The following SCAF8 variants were observed in gnomAD, a reference collection of about 807,000 sequenced individuals.
SCAF8 encodes SR-related CTD associated factor 8, also known as SR-related and CTD-associated factor 8.
Under a neutral mutation model 140.5 loss-of-function variants are expected in SCAF8, and 23 were observed. That is an observed-to-expected ratio of 0.16 (90% confidence interval 0.12 to 0.23). The LOEUF (loss-of-function observed/expected upper bound fraction) is 0.23. Ranked by LOEUF, SCAF8 falls within the 10% of genes least tolerant of loss-of-function variation. The probability of loss-of-function intolerance (pLI) is 1.00; values close to 1 mark genes in which losing one functional copy is unlikely to be tolerated. For missense variants in SCAF8, 1,397 were observed against 1,555.7 expected, an observed-to-expected ratio of 0.90 and a Z score of 1.72; for synonymous variants, 575 against 528.9, an observed-to-expected ratio of 1.09 and a Z score of -1.20.
Position 154,820,233 on chromosome 6 carries a change from G to C in SCAF8, c.1692G>C (p.Val564=), listed in dbSNP as rs144403254. 80 of 1,609,084 alleles carry C rather than the reference G, an allele frequency of 5.0e-5. No individual in the cohort carries two copies. The highest frequency in any genetic ancestry group is 1.9e-4 in the Admixed American group (11 of 58,448). The change falls in exon 15 of 20, where the codon GTG becomes GTC. Residue 564 remains valine, a synonymous_variant. Transcript: ENST00000367178. ...CAGAATACAAACAATTCTGGGATGT[G>C]GATCTTGGAGTTACATATATACCAT... ...VKTEYKQFWD[V]DLGVTYIPWE...
intron 2 of SCAF8, among the ~76,000 whole-genome samples, chr6:154,776,396 A>G (rs72993427): frequency 0.017 from 2,546 of 152,182 alleles, 27 homozygotes; most frequent in Non-Finnish European, 0.023. Context: ...TTTTATATAG[A>G]AATGATTAGT....
At chr6:154,741,985 C>G (rs1240029524) in intron 1 of SCAF8, 1 of 1,534,010 alleles carries the variant, frequency 6.5e-7, no homozygotes, top group Non-Finnish European at 8.7e-7. Flanking sequence ...CTTGTACAGA[C>G]TGCTTTTCCA....
rs186728561 is a variant in SCAF8, at chr6:154,738,319, T to G, written c.30+4389T>G. 4.1e-3 allele frequency among the ~76,000 whole-genome samples: 630 copies of G among 152,322 alleles called. 3 individuals are homozygous for G. The highest frequency in any genetic ancestry group is 5.8e-3 in the Non-Finnish European group (395 of 68,024). On this transcript the variant is annotated intron_variant, in intron 1 of 19. Coordinates refer to ENST00000367178, the MANE Select transcript of SCAF8 (RefSeq NM_014892.5). Reference sequence around the variant, plus strand: ...ATATGTATGAGTTGTTTTTGTCATGTCTACCCTCCCTACCATAATTTCTCA... The same window carrying G: ...ATATGTATGAGTTGTTTTTGTCATGGCTACCCTCCCTACCATAATTTCTCA...
At chr6:154,828,882 A>G (rs1778646843) in intron 18 of SCAF8, among the ~76,000 whole-genome samples, 1 of 152,232 alleles carries the variant, frequency 6.6e-6, no homozygotes, top group Non-Finnish European at 1.5e-5. Flanking sequence ...TATACTGAAA[A>G]CAGTAACGTG....
chr6:154,733,400 C>G, upstream of SCAF8: 4 of 1,384,280 alleles, frequency 2.9e-6, no homozygotes, highest in Non-Finnish European at 3.7e-6. Flanking sequence ...ACTGCGCGGC[C>G]CGACTCGAGT....
intron 3 of SCAF8, among the ~76,000 whole-genome samples, chr6:154,785,508 A>T (rs961018599): frequency 3.3e-5 from 5 of 152,122 alleles, no homozygotes; most frequent in Non-Finnish European, 7.4e-5. Context: ...GTATTGTTAG[A>T]TTTAAATTTT....
intron 3 of SCAF8, among the ~76,000 whole-genome samples, chr6:154,780,038 TC>T (rs1414618157): frequency 2.6e-5 from 4 of 152,152 alleles, no homozygotes; most frequent in Non-Finnish European, 4.4e-5. Flanking sequence ...TGCATTTAGT[TC>T]CATGCCGTTT....
intron 6 of SCAF8, among the ~76,000 whole-genome samples, chr6:154,797,535 A>G (rs1162347961): frequency 1.3e-5 from 2 of 151,268 alleles, no homozygotes; most frequent in African/African-American, 4.8e-5. Context: ...AGCTGGGACT[A>G]TAGGCACCTG....
At position 154,832,197 on chromosome 6, in the gene SCAF8, C is replaced by T. The variant is rs1778764464; in HGVS notation, c.2618C>T (p.Pro873Leu). 3 of 1,614,044 alleles carry T rather than the reference C, an allele frequency of 1.9e-6. No homozygotes were observed. In the East Asian group the frequency reaches 6.7e-5, roughly 36 times the overall value. ...SNSSGLLGVL[P>L]PNIPNNSGLV... Reference sequence around the variant, plus strand: ...AGTTCTGGACTTTTGGGAGTGCTACCCCCAAATATACCTAACAATTCTGGA... The same window carrying T: ...AGTTCTGGACTTTTGGGAGTGCTACTCCCAAATATACCTAACAATTCTGGA... Residue 873 changes from proline to leucine, a missense_variant, in exon 20 of 20, where the codon CCC becomes CTC. Around this residue, in one of 5 missense-constraint regions of SCAF8, gnomAD observed 930 missense variants for 874.6 expected, o/e 1.06. Coordinates refer to ENST00000367178, the MANE Select transcript of SCAF8 (RefSeq NM_014892.5).
rs57095332 is a variant in SCAF8, at chr6:154,790,489, A to ATTTT, written c.322-2298_322-2295dup. 1.6e-3 allele frequency among the ~76,000 whole-genome samples: 115 copies of ATTTT among 70,880 alleles called. 18 individuals carry two copies. The highest frequency in any genetic ancestry group is 2.3e-3 in the Non-Finnish European group (87 of 37,996). 46.5% of individuals were successfully genotyped at this position (70,880 alleles called of 152,430 possible). ...TTGTAAAACATATACATTTAACAGA[A>ATTTT]TTTTTTTTTTTTTTTTTTTTTTTTT... is the stretch of plus-strand genomic sequence containing the variant. On this transcript the variant is annotated intron_variant, in intron 4 of 19. Transcript: ENST00000367178.
At chr6:154,769,859 C>G (rs1221560906) in intron 1 of SCAF8, among the ~76,000 whole-genome samples, 1 of 152,130 alleles carries the variant, frequency 6.6e-6, no homozygotes, top group Non-Finnish European at 1.5e-5. Flanking sequence ...AAAAACTAAA[C>G]TGAAAATACA....
At chr6:154,759,109 T>C (rs1779037091) in intron 1 of SCAF8, among the ~76,000 whole-genome samples, 1 of 152,218 alleles carries the variant, frequency 6.6e-6, no homozygotes, top group Non-Finnish European at 1.5e-5. Flanking sequence ...CCAGTTTGCC[T>C]GCTGTTTTTT....
intron 1 of SCAF8, among the ~76,000 whole-genome samples, chr6:154,765,523 C>G (rs1229314465): frequency 6.6e-6 from 1 of 152,106 alleles, no homozygotes; most frequent in Non-Finnish European, 1.5e-5. Flanking sequence ...TTAAATATAG[C>G]AGAGAAGTAG....
intron 1 of SCAF8, among the ~76,000 whole-genome samples, chr6:154,770,569 G>A (rs748341822): frequency 6.6e-6 from 1 of 151,792 alleles, no homozygotes; most frequent in African/African-American, 2.4e-5. Context: ...GCAAGACCCT[G>A]TCTGAAGAAG....
chr6:154,791,562 T>C (rs745561384), intron 4 of SCAF8, among the ~76,000 whole-genome samples: 3 of 152,172 alleles, frequency 2.0e-5, no homozygotes, highest in South Asian at 2.1e-4. Flanking sequence ...TGATACAGTT[T>C]GGAGGTTCAG....
intron 1 of SCAF8, among the ~76,000 whole-genome samples, chr6:154,752,655 A>G (rs560303022): frequency 3.3e-5 from 5 of 152,356 alleles, no homozygotes; most frequent in Admixed American, 2.6e-4. Flanking sequence ...TGTTCAGCAT[A>G]TATTTCAAGT....
chr6:154,827,069 T>A, intron 17 of SCAF8, 103 bp from the exon 18 acceptor site: 1 of 908,382 alleles, frequency 1.1e-6, no homozygotes, highest in Non-Finnish European at 1.7e-6. Context: ...GAGGTTGTAG[T>A]CCATTTTAAG....
chr6:154,798,673 C>T (rs941477383), intron 6 of SCAF8, among the ~76,000 whole-genome samples: 8 of 151,442 alleles, frequency 5.3e-5, no homozygotes, highest in African/African-American at 1.9e-4. Context: ...TCTACCCTTA[C>T]CCCACAACAG....
intron 1 of SCAF8, among the ~76,000 whole-genome samples, chr6:154,747,776 A>AT (rs961752102): frequency 2.0e-4 from 30 of 151,056 alleles, no homozygotes; most frequent in East Asian, 5.8e-4. Context: ...CATTTAACAC[A>AT]TTTTTTTTTG....
Sources: gnomAD v4.1 joint callset for allele counts (sites outside exome capture counted in the v4.1 genomes callset) on GRCh38, gnomAD v4.1.1 for gene constraint, gnomAD v4.1.1 regional missense constraint, MANE v1.5 for transcripts, NCBI Gene and HGNC (gene_info 2026-07-23, HGNC 2026-07-21) for gene names.